Variants in ME3 observed in about 807,000 individuals in gnomAD.
ME3 encodes NADP-dependent malic enzyme, mitochondrial.
In ME3, 48 loss-of-function variants were observed where a neutral mutation model predicts 68.9. The observed-to-expected ratio is 0.70, with a 90% CI of 0.55 to 0.89. The LOEUF (loss-of-function observed/expected upper bound fraction) is 0.89, where lower values mean the gene tolerates loss of function less well. Ranked by LOEUF, ME3 falls within the 40% of genes least tolerant of loss-of-function variation. The pLI is 0.00. For missense variants in ME3, 675 were observed against 797.4 expected (o/e 0.85, Z 1.85); for synonymous variants, 320 against 318.8 (o/e 1.00, Z -0.04).
chr11:86,659,088 T>C (rs1014813951), intron 2 of ME3, among the ~76,000 whole-genome samples: 9 of 152,136 alleles, frequency 5.9e-5, no homozygotes, highest in Middle Eastern at 3.2e-3. Context: ...TTCAAGATCA[T>C]GTTACTGCAA....
At chr11:86,498,780 A>G (rs1486809611) in intron 5 of ME3, among the ~76,000 whole-genome samples, 1 of 152,228 alleles carries the variant, frequency 6.6e-6, no homozygotes, top group Non-Finnish European at 1.5e-5. Context: ...ATAGATATGA[A>G]TGAAGCTGAT....
intron 2 of ME3, among the ~76,000 whole-genome samples, chr11:86,647,735 A>G (rs940214575): frequency 6.6e-6 from 1 of 152,260 alleles, no homozygotes; most frequent in African/African-American, 2.4e-5. Context: ...CACCCAGTAC[A>G]GGAGCACCCA....
chr11:86,608,007 GCTA>G (rs1236849482), intron 2 of ME3, among the ~76,000 whole-genome samples: 1 of 152,090 alleles, frequency 6.6e-6, no homozygotes, highest in Non-Finnish European at 1.5e-5. Context: ...TTGGCACCAG[GCTA>G]CTGTTTGGGG....
At chr11:86,584,928 G>T (rs983836875) in intron 2 of ME3, among the ~76,000 whole-genome samples, 1 of 152,184 alleles carries the variant, frequency 6.6e-6, no homozygotes, top group Non-Finnish European at 1.5e-5. Flanking sequence ...TGTTAAGAGG[G>T]TAGAGCTCAT....
intron 8 of ME3, among the ~76,000 whole-genome samples, chr11:86,456,565 T>C (rs1949941955): frequency 6.6e-6 from 1 of 152,050 alleles, no homozygotes; most frequent in Admixed American, 6.5e-5. Flanking sequence ...CTTCATGATC[T>C]CTGCTGCTCA....
intron 2 of ME3, among the ~76,000 whole-genome samples, chr11:86,614,262 T>C (rs1942797969): frequency 2.6e-5 from 4 of 152,202 alleles, no homozygotes; most frequent in Non-Finnish European, 5.9e-5. Context: ...GCATTCAAAC[T>C]CATGTCTGGC....
At chr11:86,565,729 A>G (rs1288814898) in intron 2 of ME3, among the ~76,000 whole-genome samples, 1 of 152,204 alleles carries the variant, frequency 6.6e-6, no homozygotes. Flanking sequence ...TTTACTGGAC[A>G]TGTATTATGT....
intron 4 of ME3, among the ~76,000 whole-genome samples, chr11:86,526,982 C>T (rs1954806060): frequency 6.6e-6 from 1 of 152,232 alleles, no homozygotes; most frequent in Non-Finnish European, 1.5e-5. Flanking sequence ...AGGAACGCAG[C>T]TCCTCACCAG....
At chr11:86,523,918 A>T (rs1954526851) in intron 4 of ME3, among the ~76,000 whole-genome samples, 2 of 152,254 alleles carry the variant, frequency 1.3e-5, no homozygotes, top group African/African-American at 4.8e-5. Context: ...TCCAATTAGA[A>T]CAGAGAAAGT....
chr11:86,548,895 G>A (rs372097561), intron 4 of ME3, among the ~76,000 whole-genome samples: 13 of 152,148 alleles, frequency 8.5e-5, no homozygotes, highest in East Asian at 5.8e-4. Context: ...GCCTCCTTCC[G>A]ATGGTCTCTG....
chr11:86,620,838 A>G (rs1943301439), intron 2 of ME3, among the ~76,000 whole-genome samples: 2 of 152,142 alleles, frequency 1.3e-5, no homozygotes, highest in Admixed American at 6.5e-5. Context: ...AATTCAGCCA[A>G]TCTCTCTGTC....
In ME3 at chr11:86,575,639, C is replaced by A. The variant is rs936725724; in HGVS notation, c.184-15816G>T. The stretch of plus-strand genomic sequence containing the variant: ...CAGAGATGAAGTGGATGACGTGCTC[C>A]CCCCCAGGTTGGGTGCAGTGACTCA... On this transcript the variant is annotated intron_variant, in intron 2 of 14. Coordinates refer to ENST00000543262, the Ensembl canonical transcript of ME3. Among the ~76,000 whole-genome samples, 23 of 117,860 alleles carry A rather than the reference C, an allele frequency of 2.0e-4. 3 individuals carry two copies. The highest frequency in any genetic ancestry group is 1.5e-3 in the Admixed American group (20 of 12,984). 77.3% of individuals were successfully genotyped at this position (117,860 alleles called of 152,430 possible).
At chr11:86,495,737 ACCT>A (rs1346435390) in intron 6 of ME3, among the ~76,000 whole-genome samples, 2 of 152,008 alleles carry the variant, frequency 1.3e-5, no homozygotes, top group East Asian at 3.9e-4. Flanking sequence ...TCCATATCTA[ACCT>A]CCTGTCTCCT....
At chr11:86,672,140 C>A in intron 1 of ME3, 182 bp from the exon 2 acceptor site, 1 of 522,644 alleles carries the variant, frequency 1.9e-6, no homozygotes. Context: ...CCGCGCGGGG[C>A]GCCAGGCCTA....
chr11:86,660,336 A>G (rs1946192923), intron 2 of ME3, among the ~76,000 whole-genome samples: 1 of 152,246 alleles, frequency 6.6e-6, no homozygotes, highest in Non-Finnish European at 1.5e-5. Context: ...TCTGCAGCCC[A>G]CACAGGGCTT....
chr11:86,533,381 T>C (rs1460999540), intron 4 of ME3, among the ~76,000 whole-genome samples: 2 of 152,048 alleles, frequency 1.3e-5, no homozygotes, highest in East Asian at 3.9e-4. Context: ...TATCAAAGAA[T>C]TGGATAATCT....
intron 2 of ME3, among the ~76,000 whole-genome samples, chr11:86,658,391 G>A (rs1393823012): frequency 6.6e-6 from 1 of 151,976 alleles, no homozygotes; most frequent in African/African-American, 2.4e-5. Context: ...TCAAAATGCT[G>A]GGATTATAGG....
intron 14 of ME3, among the ~76,000 whole-genome samples, chr11:86,441,906 G>A (rs949081183): frequency 4.6e-5 from 7 of 152,110 alleles, no homozygotes; most frequent in East Asian, 1.9e-4. Flanking sequence ...TTGGCTTCAC[G>A]AGAATGTGAA....
At chr11:86,480,881 C>G (rs1177695015) in intron 7 of ME3, among the ~76,000 whole-genome samples, 1 of 152,138 alleles carries the variant, frequency 6.6e-6, no homozygotes, top group Non-Finnish European at 1.5e-5. Flanking sequence ...AGAGAACACA[C>G]TGGGTCTTTC....
Sources: allele counts gnomAD v4.1 joint callset (sites outside exome capture counted in the v4.1 genomes callset), GRCh38; gene constraint gnomAD v4.1.1; transcripts MANE v1.5; gene names NCBI Gene and HGNC (gene_info 2026-07-23, HGNC 2026-07-21).